Variants in PRDM16 observed in about 807,000 individuals in gnomAD.
PRDM16 encodes PR/SET domain 16.
Under a neutral mutation model 110.6 loss-of-function variants are expected in PRDM16, and 23 were observed. The observed-to-expected ratio is 0.21, with a 90% CI of 0.15 to 0.29. The LOEUF is 0.29. Among genes scored for constraint, PRDM16 ranks in the 10% least tolerant of loss-of-function variants. PRDM16 has a pLI of 1.00. For missense variants in PRDM16, 1,615 were observed against 1,794.3 expected (o/e 0.90, Z 1.81); for synonymous variants, 799 against 781.8 (o/e 1.02, Z -0.37).
chr1:3,184,288 C>T (rs542448396), intron 1 of PRDM16, among the ~76,000 whole-genome samples: 1 of 152,322 alleles, frequency 6.6e-6, no homozygotes, highest in East Asian at 1.9e-4. Flanking sequence ...ACTTCTTGTG[C>T]TGATCTGTTT....
intron 1 of PRDM16, among the ~76,000 whole-genome samples, chr1:3,070,830 T>A (rs1266934913): frequency 6.6e-6 from 1 of 152,104 alleles, no homozygotes; most frequent in African/African-American, 2.4e-5. Flanking sequence ...TGCCGGACGC[T>A]CCTGCGCCCC....
intron 3 of PRDM16, among the ~76,000 whole-genome samples, chr1:3,298,415 G>A (rs1387333057): frequency 5.3e-5 from 8 of 152,200 alleles, no homozygotes; most frequent in East Asian, 1.9e-4. Context: ...TCTGACGGCC[G>A]ACACCAGCCT....
chr1:3,410,161 G>C (rs185165624), intron 8 of PRDM16, among the ~76,000 whole-genome samples: 1 of 151,896 alleles, frequency 6.6e-6, no homozygotes, highest in East Asian at 1.9e-4. Context: ...TGTGTGTGCT[G>C]TGTGTGTGCA....
At chr1:3,227,874 G>A (rs1639325910) in intron 2 of PRDM16, among the ~76,000 whole-genome samples, 1 of 152,248 alleles carries the variant, frequency 6.6e-6, no homozygotes, top group African/African-American at 2.4e-5. Context: ...CTTTAGAGCC[G>A]GCGTTCTCTC....
chr1:3,400,414 G>T (rs1243052388), intron 5 of PRDM16, among the ~76,000 whole-genome samples: 4 of 152,176 alleles, frequency 2.6e-5, no homozygotes, highest in Admixed American at 2.0e-4. Context: ...AGAATTTGCA[G>T]GCTTGAATCA....
intron 3 of PRDM16, among the ~76,000 whole-genome samples, chr1:3,283,804 A>G (rs1256002880): frequency 6.6e-6 from 1 of 152,256 alleles, no homozygotes; most frequent in Non-Finnish European, 1.5e-5. Flanking sequence ...AGCATCTTCC[A>G]GCAAAGCCGG....
At chr1:3,241,553 G>A (rs1639674913) in intron 2 of PRDM16, among the ~76,000 whole-genome samples, 1 of 152,212 alleles carries the variant, frequency 6.6e-6, no homozygotes, top group Admixed American at 6.5e-5. Flanking sequence ...TTCAACTATT[G>A]GGGCCGGTGT....
chr1:3,408,926 G>T (rs986912883), intron 8 of PRDM16, among the ~76,000 whole-genome samples: 1 of 148,210 alleles, frequency 6.7e-6, no homozygotes, highest in African/African-American at 2.5e-5. Flanking sequence ...GCCAGTGCTT[G>T]TGTTGGCACG....
At chr1:3,393,947 G>A (rs1334855275) in intron 4 of PRDM16, among the ~76,000 whole-genome samples, 1 of 152,126 alleles carries the variant, frequency 6.6e-6, no homozygotes, top group South Asian at 2.1e-4. Flanking sequence ...CCCTCCTCCT[G>A]CAGGTCCAGG....
chr1:3,209,959 G>A lies in PRDM16; in HGVS notation c.387+23485G>A, dbSNP rs764503328. Among the ~76,000 whole-genome samples, 3 of 152,190 alleles carry A rather than the reference G, an allele frequency of 2.0e-5. No homozygotes were observed. Among genetic ancestry groups the A allele is most frequent in the Admixed American group, 6.5e-5 (1 of 15,274 alleles). On this transcript the variant is annotated intron_variant, in intron 2 of 16. Coordinates refer to ENST00000270722, the MANE Select transcript of PRDM16 (RefSeq NM_022114.4). The surrounding 1 kb of genome is among the most constrained non-coding windows in gnomAD (Gnocchi z 4.6). ...CTTACTTAACATGGAAAATATCGTA[G>A]CATTTTCTAGAGACATTTGCAGGAA...
chr1:3,200,238 G>A (rs973868954), intron 2 of PRDM16, among the ~76,000 whole-genome samples: 13 of 152,236 alleles, frequency 8.5e-5, no homozygotes, highest in African/African-American at 2.7e-4. Context: ...CCTGCCGGCC[G>A]AGGCTGCCCT....
rs1347443850 is a variant in PRDM16, at chr1:3,426,084, T to C, written c.3143T>C (p.Leu1048Pro). 6.2e-7 allele frequency: 1 copy of C among 1,613,788 alleles called. No individual in the cohort carries two copies. The highest frequency in any genetic ancestry group is 1.3e-5 in the African/African-American group (1 of 75,006). The stretch of plus-strand genomic sequence containing the variant: ...CACCCCGGGGTCCTCACGAACCACC[T>C]GGGGACCAGCGCGTCCTCTCCCACC... Reference protein sequence around the residue: ...SQHPGVLTNHLGTSASSPTSE... With the variant: ...SQHPGVLTNHPGTSASSPTSE... Residue 1048 changes from leucine (L) to proline (P), a missense_variant, in exon 14 of 17, where the codon CTG (leucine) becomes CCG (proline). Coordinates refer to ENST00000270722, the MANE Select transcript of PRDM16 (RefSeq NM_022114.4).
intron 7 of PRDM16, 116 bp from the exon 8 acceptor site, chr1:3,405,360 TGCTTGGTGCAGACTGCAAC>T (rs1292385524): frequency 3.0e-6 from 3 of 1,009,538 alleles, no homozygotes; most frequent in Non-Finnish European, 4.2e-6. Context: ...TGTCCCGGCC[TGCTTGGTGCAGACTGCAAC>T]GTGGCAAGAG....
At chr1:3,321,579 TG>T (rs1224269021) in intron 3 of PRDM16, among the ~76,000 whole-genome samples, 5 of 143,068 alleles carry the variant, frequency 3.5e-5, no homozygotes, top group African/African-American at 7.5e-5. Flanking sequence ...TGAGAGTGTT[TG>T]GAGGTCACGT....
At position 3,245,715 on chromosome 1, in the gene PRDM16, G is replaced by A. The variant is rs572597763; in HGVS notation, c.438+1578G>A. Among the ~76,000 whole-genome samples, 1 of 149,852 alleles carries A rather than the reference G, an allele frequency of 6.7e-6. No individual in the cohort carries two copies. Among genetic ancestry groups the A allele is most frequent in the Non-Finnish European group, 1.5e-5 (1 of 67,722 alleles). On this transcript the variant is annotated intron_variant, in intron 3 of 16. Coordinates refer to ENST00000270722, the MANE Select transcript of PRDM16 (RefSeq NM_022114.4). This position sits in a 1 kb window ranked among gnomAD's most constrained non-coding sequence, Gnocchi z 4.7. ...CCACTTTCCCTCTTTCTCCTTTCCT[G>A]CCTCTTTAAATGAGTTCACATTTTC...
chr1:3,431,893 T>C (rs936627406), intron 15 of PRDM16, 73 bp from the exon 16 acceptor site: 6 of 1,503,230 alleles, frequency 4.0e-6, no homozygotes, highest in Non-Finnish European at 4.6e-6. Flanking sequence ...GGAGCTGGGC[T>C]TGCAGCATCA....
chr1:3,310,784 A>G (rs1340757651), intron 3 of PRDM16, among the ~76,000 whole-genome samples: 3 of 151,938 alleles, frequency 2.0e-5, no homozygotes, highest in Non-Finnish European at 4.4e-5. Flanking sequence ...GTGTATGTGC[A>G]TGCATGTCTG....
At chr1:3,120,383 C>T (rs901367932) in intron 1 of PRDM16, among the ~76,000 whole-genome samples, 1 of 152,080 alleles carries the variant, frequency 6.6e-6, no homozygotes, top group African/African-American at 2.4e-5. Context: ...TGGGGTTTGG[C>T]CCAAGGCCCG....
rs545351158 is a variant in PRDM16 at position 3,312,555 on chromosome 1, C to A, written c.438+68418C>A. On this transcript the variant is annotated intron_variant, in intron 3 of 16. Coordinates refer to ENST00000270722, the MANE Select transcript of PRDM16 (RefSeq NM_022114.4). ...GGATACATCAGGAGCCCATCCGGAT[C>A]CGGGGCCGGCAGGTGGGGTTCCCGG... Among the ~76,000 whole-genome samples, 504 of 152,314 alleles carry A rather than the reference C, an allele frequency of 3.3e-3. 3 individuals are homozygous for A. The highest frequency in any genetic ancestry group is 0.012 in the African/African-American group (486 of 41,564).
Sources: gnomAD v4.1 joint callset for allele counts (sites outside exome capture counted in the v4.1 genomes callset) on GRCh38, gnomAD v4.1.1 for gene constraint, Gnocchi (gnomAD v3.1) non-coding constraint, MANE v1.5 for transcripts, NCBI Gene and HGNC (gene_info 2026-07-23, HGNC 2026-07-21) for gene names.